Variants in VTCN1 observed in about 807,000 individuals in gnomAD.
VTCN1 encodes V-set domain containing T cell activation inhibitor 1.
In VTCN1, 26 loss-of-function variants were observed where a neutral mutation model predicts 26.5. That is an observed-to-expected ratio of 0.98 (90% CI 0.72 to 1.36). The LOEUF is 1.36. Ranked by LOEUF, VTCN1 falls within the 40% of genes most tolerant of loss-of-function variation. VTCN1 has a pLI of 0.00. For missense variants in VTCN1, 298 were observed against 337.7 expected, an observed-to-expected ratio of 0.88 and a Z score of 0.92; for synonymous variants, 116 against 130.7, an observed-to-expected ratio of 0.89 and a Z score of 0.77.
chr1:117,168,589 A>G lies in VTCN1; in HGVS notation c.97+1518T>C, dbSNP rs1436882545. On this transcript the variant is annotated intron_variant, in intron 2 of 5. Transcript: ENST00000369458. ...AAAATTAAGAACTTCTGCTCATTGA[A>G]AAACATCATTAAGAGAGTAAAAAAG... is the stretch of plus-strand genomic sequence containing the variant. Among the ~76,000 whole-genome samples, 6 of 152,350 alleles carry G rather than the reference A, an allele frequency of 3.9e-5. No individual in the cohort carries two copies. In the East Asian group the frequency reaches 1.2e-3, roughly 29 times the overall value.
chr1:117,185,572 A>G (rs1570975271), intron 1 of VTCN1, among the ~76,000 whole-genome samples: 1 of 152,270 alleles, frequency 6.6e-6, no homozygotes, highest in South Asian at 2.1e-4. Context: ...GGGGTCAGAC[A>G]TGCCCCATTA....
chr1:117,200,571 T>C (rs1257125704), intron 1 of VTCN1, among the ~76,000 whole-genome samples: 1 of 152,180 alleles, frequency 6.6e-6, no homozygotes, highest in Non-Finnish European at 1.5e-5. Flanking sequence ...TTTGCCTCCT[T>C]ACCCAGATGT....
chr1:117,209,732 C>G (rs923978450), intron 1 of VTCN1, among the ~76,000 whole-genome samples: 1 of 152,212 alleles, frequency 6.6e-6, no homozygotes, highest in African/African-American at 2.4e-5. Context: ...GCCGCTGCAG[C>G]CACCCCCACC....
At chr1:117,157,161 A>C in intron 2 of VTCN1, 1 of 358,762 alleles carries the variant, frequency 2.8e-6, no homozygotes, top group Non-Finnish European at 4.5e-6. Flanking sequence ...AAGTAACCCA[A>C]ACCTTGAGAA....
chr1:117,154,083 C>T lies in VTCN1; in HGVS notation c.446-714G>A, dbSNP rs957975540. On this transcript the variant is annotated intron_variant, in intron 3 of 5. Transcript: ENST00000369458. The stretch of plus-strand genomic sequence containing the variant: ...AAATATAATTTATTAATTTATTTGG[C>T]GTCTTCCTTTACCTGGGACTGAGCT... 6.6e-5 allele frequency among the ~76,000 whole-genome samples: 10 copies of T among 152,112 alleles called. No homozygotes were observed. The East Asian group carries it at 1.4e-3, about 21-fold the overall frequency.
At chr1:117,210,699 C>A in intron 1 of VTCN1, 125 bp downstream of exon 1, 1 of 1,041,132 alleles carries the variant, frequency 9.6e-7, no homozygotes, top group South Asian at 1.4e-5. Flanking sequence ...CCCGCTGGCC[C>A]AATGCTGGAT....
intron 4 of VTCN1, among the ~76,000 whole-genome samples, chr1:117,150,281 G>C (rs890126227): frequency 6.6e-6 from 1 of 152,156 alleles, no homozygotes; most frequent in Non-Finnish European, 1.5e-5. Context: ...TTGAGTAAGA[G>C]ATTTTTAAAT....
intron 1 of VTCN1, among the ~76,000 whole-genome samples, chr1:117,210,318 G>A (rs1294650497): frequency 1.3e-5 from 2 of 152,152 alleles, no homozygotes; most frequent in African/African-American, 4.8e-5. Flanking sequence ...GGGGAGGGGT[G>A]TTGGTGTGAA....
rs185480162 is a variant in VTCN1 at position 117,194,771 on chromosome 1, A to G, written c.32+16053T>C. On this transcript the variant is annotated intron_variant, in intron 1 of 5. Coordinates refer to ENST00000369458, the MANE Select transcript of VTCN1 (RefSeq NM_024626.4). ...TGCTAAGTGAAATATATCAGCCACAAAAAGACAAATACTATATCATCTCAT... is the reference window on the plus strand; with the variant it reads ...TGCTAAGTGAAATATATCAGCCACAGAAAGACAAATACTATATCATCTCAT... Among the ~76,000 whole-genome samples, 412 of 152,370 alleles carry G rather than the reference A, an allele frequency of 2.7e-3. 1 individual carries two copies. Among genetic ancestry groups the G allele is most frequent in the South Asian group, 4.8e-3 (23 of 4,828 alleles).
Position 117,155,847 on chromosome 1 carries a change from G to A in VTCN1, c.445+727C>T, listed in dbSNP as rs1368585099. ...TCCCTTCCCTCCTATGCATTTGAAC[G>A]GGATCTCTCTCTTCTTCTCAATCAC... On this transcript the variant is annotated intron_variant, in intron 3 of 5. Transcript: ENST00000369458. The surrounding 1 kb of genome is among the most constrained non-coding windows in gnomAD (Gnocchi z 4.8). Among the ~76,000 whole-genome samples, 2 of 152,102 alleles carry A rather than the reference G, an allele frequency of 1.3e-5. No individual in the cohort carries two copies. Among genetic ancestry groups the A allele is most frequent in the East Asian group, 3.8e-4 (2 of 5,200 alleles).
chr1:117,171,803 C>A (rs1652931527), intron 1 of VTCN1, among the ~76,000 whole-genome samples: 1 of 152,152 alleles, frequency 6.6e-6, no homozygotes, highest in Admixed American at 6.5e-5. Flanking sequence ...TCCCTAAAGT[C>A]ACACAGTTGG....
chr1:117,198,211 A>T (rs565989024), intron 1 of VTCN1, among the ~76,000 whole-genome samples: 5 of 152,288 alleles, frequency 3.3e-5, no homozygotes, highest in Middle Eastern at 6.8e-3. Flanking sequence ...CACATCTAAC[A>T]ACTGCTAGAT....
intron 1 of VTCN1, 136 bp from the exon 2 acceptor site, chr1:117,170,307 G>C (rs1652839053): frequency 1.2e-6 from 1 of 856,726 alleles, no homozygotes; most frequent in African/African-American, 1.7e-5. Flanking sequence ...ACATAAGCTT[G>C]TTCCTAGAAA....
At chr1:117,197,403 A>T (rs548064157) in intron 1 of VTCN1, among the ~76,000 whole-genome samples, 2 of 152,334 alleles carry the variant, frequency 1.3e-5, no homozygotes, top group South Asian at 4.1e-4. Flanking sequence ...GCAGGAGAAT[A>T]GGGTCTGGAG....
At chr1:117,190,553 T>C (rs565893644) in intron 1 of VTCN1, among the ~76,000 whole-genome samples, 98 of 152,212 alleles carry the variant, frequency 6.4e-4, no homozygotes, top group Non-Finnish European at 1.2e-3. Context: ...CAGACCCAAC[T>C]GCAGATCCTG....
At chr1:117,198,171 C>T (rs1046364287) in intron 1 of VTCN1, among the ~76,000 whole-genome samples, 6 of 152,226 alleles carry the variant, frequency 3.9e-5, no homozygotes, top group African/African-American at 1.2e-4. Context: ...TCATCTTCCA[C>T]TTCCCTGAAG....
At position 117,161,005 on chromosome 1, in the gene VTCN1, T is replaced by C. The variant is rs1652339561; in HGVS notation, c.98-4084A>G. ...AAGTACATAGCCTGGTTTGGAAGGA[T>C]GTTTTGGAGGCTTGAGAGCGTGAGA... On this transcript the variant is annotated intron_variant, in intron 2 of 5. Transcript: ENST00000369458. This position sits in a 1 kb window ranked among gnomAD's most constrained non-coding sequence, Gnocchi z 4.3. Among the ~76,000 whole-genome samples, 1 of 152,142 alleles carries C rather than the reference T, an allele frequency of 6.6e-6. No homozygotes were observed. Among genetic ancestry groups the C allele is most frequent in the Non-Finnish European group, 1.5e-5 (1 of 68,026 alleles).
In VTCN1 at chr1:117,156,717, G is replaced by A. The variant is rs777479342; in HGVS notation, c.302C>T (p.Thr101Ile). The A allele has an allele frequency of 2.4e-5, 39 of 1,614,038 alleles. No individual in the cohort carries two copies. The highest frequency in any genetic ancestry group is 3.1e-5 in the Non-Finnish European group (36 of 1,180,034). The change falls in exon 3 of 6, where the codon ACA becomes ATA. Residue 101 changes from threonine to isoleucine, a missense_variant. Coordinates refer to ENST00000369458, the MANE Select transcript of VTCN1 (RefSeq NM_024626.4). ...TATCACTTGATCAGCAAACACTGCT[G>A]TCCGGCCTCTGAACATTTCATCCTG... is the stretch of plus-strand genomic sequence containing the variant. ...SEQDEMFRGR[T>I]AVFADQVIVG...
intron 1 of VTCN1, among the ~76,000 whole-genome samples, chr1:117,207,468 T>G (rs867808686): frequency 6.6e-5 from 10 of 151,986 alleles, no homozygotes; most frequent in African/African-American, 2.4e-4. Context: ...CTGCCCACCC[T>G]TGAATGTTGG....
Sources: gnomAD v4.1 joint callset for allele counts (sites outside exome capture counted in the v4.1 genomes callset) on GRCh38, gnomAD v4.1.1 for gene constraint, Gnocchi (gnomAD v3.1) non-coding constraint, MANE v1.5 for transcripts, NCBI Gene and HGNC (gene_info 2026-07-23, HGNC 2026-07-21) for gene names.